Variants in CCSER1 observed in about 807,000 individuals in gnomAD.
CCSER1 encodes the protein coiled-coil serine rich protein 1.
A neutral mutation model predicts 82.0 loss-of-function variants in CCSER1; 41 were observed. That is an observed-to-expected ratio of 0.50 (90% CI 0.39 to 0.65). The LOEUF (loss-of-function observed/expected upper bound fraction) is 0.65. Among genes scored for constraint, CCSER1 ranks in the 30% least tolerant of loss-of-function variants. CCSER1 has a pLI of 0.00. For missense variants in CCSER1, 1,119 were observed against 1,064.2 expected, an observed-to-expected ratio of 1.05 and a Z score of -0.72; for synonymous variants, 414 against 383.9, an observed-to-expected ratio of 1.08 and a Z score of -0.92.
At chr4:90,704,612 A>T (rs1738923329) in intron 6 of CCSER1, among the ~76,000 whole-genome samples, 1 of 152,166 alleles carries the variant, frequency 6.6e-6, no homozygotes, top group African/African-American at 2.4e-5. Flanking sequence ...CAGGTATACC[A>T]ATCAGACCTA....
intron 10 of CCSER1, among the ~76,000 whole-genome samples, chr4:91,584,377 T>A (rs1763887416): frequency 6.6e-6 from 1 of 151,564 alleles, no homozygotes; most frequent in African/African-American, 2.4e-5. Flanking sequence ...TACAGGAAAA[T>A]CATTCTCACT....
chr4:90,332,322 C>T (rs536261415), intron 3 of CCSER1, among the ~76,000 whole-genome samples: 5 of 151,820 alleles, frequency 3.3e-5, no homozygotes, highest in South Asian at 2.1e-4. Flanking sequence ...CTGCAACCTC[C>T]GCCTACTGGG....
At chr4:91,314,742 T>C (rs1332845277) in intron 10 of CCSER1, among the ~76,000 whole-genome samples, 1 of 152,066 alleles carries the variant, frequency 6.6e-6, no homozygotes, top group East Asian at 1.9e-4. Flanking sequence ...TGGGTTGTTA[T>C]CTTTTTTAAA....
At chr4:90,481,459 G>T (rs139301941) in intron 5 of CCSER1, among the ~76,000 whole-genome samples, 2,188 of 152,280 alleles carry the variant, frequency 0.014, 31 homozygotes, top group African/African-American at 0.043. Context: ...AGTTTTCAAA[G>T]GGAATGCTTC....
chr4:90,217,065 A>C (rs1174897283), intron 1 of CCSER1, among the ~76,000 whole-genome samples: 1 of 152,110 alleles, frequency 6.6e-6, no homozygotes, highest in African/African-American at 2.4e-5. Context: ...ATGAGATTAC[A>C]TTCTTGATTT....
intron 3 of CCSER1, among the ~76,000 whole-genome samples, chr4:90,315,835 T>G (rs1579137438): frequency 6.6e-6 from 1 of 152,220 alleles, no homozygotes; most frequent in African/African-American, 2.4e-5. Context: ...TAATTTAAAA[T>G]GCATGAAATA....
intron 9 of CCSER1, among the ~76,000 whole-genome samples, chr4:90,986,478 A>T (rs922378591): frequency 2.6e-5 from 4 of 151,812 alleles, no homozygotes; most frequent in African/African-American, 9.7e-5. Context: ...AATAGAGTGT[A>T]TATATGAACC....
intron 4 of CCSER1, among the ~76,000 whole-genome samples, chr4:90,408,857 A>C (rs1012456944): frequency 2.0e-5 from 3 of 152,196 alleles, no homozygotes; most frequent in Non-Finnish European, 4.4e-5. Flanking sequence ...AAGTTCGAAC[A>C]AATGGCAAAG....
intron 7 of CCSER1, among the ~76,000 whole-genome samples, chr4:90,810,674 A>ACAG (rs1205713142): frequency 6.6e-6 from 1 of 151,942 alleles, no homozygotes. Flanking sequence ...AACAACAACA[A>ACAG]CAACAACCAA....
intron 9 of CCSER1, among the ~76,000 whole-genome samples, chr4:91,022,428 G>C (rs1176159098): frequency 7.2e-5 from 11 of 152,042 alleles, no homozygotes; most frequent in Admixed American, 5.9e-4. Flanking sequence ...ATTTGGGTTG[G>C]TTCCAAGTCT....
chr4:91,300,555 A>C (rs1217632842), intron 10 of CCSER1, among the ~76,000 whole-genome samples: 2 of 151,848 alleles, frequency 1.3e-5, no homozygotes, highest in African/African-American at 4.8e-5. Context: ...CAACAACTAA[A>C]TTACTCCAAT....
intron 8 of CCSER1, among the ~76,000 whole-genome samples, chr4:90,869,694 T>C (rs1766198109): frequency 6.7e-6 from 1 of 148,930 alleles, no homozygotes. Flanking sequence ...CTGGGTCTTT[T>C]GTGACTCCAT....
chr4:90,926,297 T>G (rs1241388229), intron 9 of CCSER1, among the ~76,000 whole-genome samples: 1 of 152,034 alleles, frequency 6.6e-6, no homozygotes, highest in African/African-American at 2.4e-5. Context: ...TCTTGTACAT[T>G]ATGGATGTTT....
chr4:91,170,710 T>C (rs1310376753), intron 10 of CCSER1, among the ~76,000 whole-genome samples: 2 of 152,184 alleles, frequency 1.3e-5, no homozygotes, highest in African/African-American at 2.4e-5. Context: ...ATATTATCCA[T>C]AAATGACCTT....
In CCSER1 at chr4:91,221,501, A is replaced by T. The variant is rs188691121; in HGVS notation, c.2217+135507A>T. ...TATTAAGAGCTTTAAAAGGTTATGC[A>T]CATTTTCTGAGAAAAATTAATATTT... On this transcript the variant is annotated intron_variant, in intron 10 of 10. Coordinates refer to ENST00000509176, the MANE Select transcript of CCSER1 (RefSeq NM_001145065.2). Among the ~76,000 whole-genome samples, 10 of 152,292 alleles carry T rather than the reference A, an allele frequency of 6.6e-5. 1 individual carries two copies. The highest frequency in any genetic ancestry group is 4.1e-4 in the South Asian group (2 of 4,826).
At chr4:91,443,562 A>C (rs1257200163) in intron 10 of CCSER1, among the ~76,000 whole-genome samples, 1 of 150,344 alleles carries the variant, frequency 6.7e-6, no homozygotes, top group Non-Finnish European at 1.5e-5. Flanking sequence ...CTAAATGATG[A>C]GTTAATGGGT....
chr4:90,217,922 A>C (rs558968336), intron 1 of CCSER1, among the ~76,000 whole-genome samples: 1 of 152,146 alleles, frequency 6.6e-6, no homozygotes, highest in South Asian at 2.1e-4. Flanking sequence ...CAGCCTTATG[A>C]GTAGCTGAGA....
intron 3 of CCSER1, among the ~76,000 whole-genome samples, chr4:90,381,105 A>G (rs887603137): frequency 6.6e-6 from 1 of 152,222 alleles, no homozygotes; most frequent in African/African-American, 2.4e-5. Context: ...TGTGCCTCCT[A>G]TGAGCAAGGA....
chr4:91,020,375 T>G (rs1739825153), intron 9 of CCSER1, among the ~76,000 whole-genome samples: 1 of 152,238 alleles, frequency 6.6e-6, no homozygotes, highest in East Asian at 1.9e-4. Flanking sequence ...TAAAAGTACA[T>G]ACCTTGGCCG....
Sources: gnomAD v4.1 joint callset for allele counts (sites outside exome capture counted in the v4.1 genomes callset) on GRCh38, gnomAD v4.1.1 for gene constraint, MANE v1.5 for transcripts, NCBI Gene and HGNC (gene_info 2026-07-23, HGNC 2026-07-21) for gene names.